Variants in NPC1 observed in about 807,000 individuals in gnomAD.
NPC1 encodes Niemann-Pick C1 protein.
Under a neutral mutation model 140.4 loss-of-function variants are expected in NPC1, and 85 were observed. The observed-to-expected ratio is 0.61, with a 90% confidence interval of 0.51 to 0.72. The LOEUF (loss-of-function observed/expected upper bound fraction) is 0.72. Ranked by LOEUF, NPC1 falls within the 30% of genes least tolerant of loss-of-function variation. NPC1 has a pLI of 0.00. For synonymous variants in NPC1, 656 were observed against 624.8 expected (o/e 1.05, Z -0.74); for missense variants, 1,504 against 1,623.8 (o/e 0.93, Z 1.27).
chr18:23,574,117 A>C (rs2059241904), intron 1 of NPC1, among the ~76,000 whole-genome samples: 1 of 152,264 alleles, frequency 6.6e-6, no homozygotes, highest in Admixed American at 6.5e-5. Flanking sequence ...TGCTAACTTT[A>C]AGGAAAAACA....
chr18:23,524,145 C>T (rs2058225847), intron 1 of NPC1: 1 of 1,614,088 alleles, frequency 6.2e-7, no homozygotes, highest in Non-Finnish European at 8.5e-7. Context: ...GCTGCCGTGA[C>T]CAGCCAGTCT....
chr18:23,522,668 C>T (rs1385222479), exon 2 of NPC1: 1 of 152,142 alleles, frequency 6.6e-6, no homozygotes, highest in East Asian at 1.9e-4. Context: ...ACCATCTGGT[C>T]ATAAGGGAAC....
intron 24 of NPC1, among the ~76,000 whole-genome samples, chr18:23,532,502 C>T (rs1204411108): frequency 2.0e-5 from 3 of 152,108 alleles, no homozygotes; most frequent in African/African-American, 4.8e-5. Context: ...GGTATGAACA[C>T]GACTCACTGC....
rs535506370 is a variant in NPC1, at chr18:23,586,268, G to T, written c.57+19C>A. 1 of 1,531,752 alleles carries T rather than the reference G, an allele frequency of 6.5e-7. No homozygotes were observed. The highest frequency in any genetic ancestry group is 1.2e-5 in the South Asian group (1 of 83,772). 94.9% of individuals were successfully genotyped at this position (1,531,752 alleles called of 1,614,324 possible). A position where few individuals can be genotyped will look rare whatever the true frequency, so the allele number is the denominator to read the frequency against. On this transcript the variant is annotated intron_variant, in intron 1 of 24. Transcript: ENST00000269228. ...CGCCACGTCCCCACAGGGCGTCCCG[G>T]TGGCCGGCGACCGCTCACCTGCGCT...
intron 3 of NPC1, among the ~76,000 whole-genome samples, chr18:23,510,019 TA>T (rs531660350): frequency 0.032 from 4,218 of 132,188 alleles, 169 homozygotes; most frequent in African/African-American, 0.11. Flanking sequence ...AGTAATAAAT[TA>T]AAAAAAAAAA....
At chr18:23,529,219 A>T (rs943296387), downstream of NPC1, 5 of 1,613,982 alleles carry the variant, frequency 3.1e-6, no homozygotes, top group Non-Finnish European at 4.2e-6. Flanking sequence ...CCGCTCCTCA[A>T]GAGGCCGGTG....
chr18:23,586,179 C>T, intron 1 of NPC1, 108 bp downstream of exon 1: 3 of 1,242,388 alleles, frequency 2.4e-6, no homozygotes, highest in African/African-American at 1.5e-5. Flanking sequence ...ATCGCCAGAC[C>T]AACTTCCCCA....
chr18:23,524,595 C>A, downstream of NPC1: 2 of 1,071,798 alleles, frequency 1.9e-6, no homozygotes, highest in Non-Finnish European at 2.8e-6. Context: ...CCCCTCCTTT[C>A]AAGCGTGGGA....
rs143205855 is a variant in NPC1 at position 23,568,841 on chromosome 18, C to T, written c.445G>A (p.Gly149Arg). Reference protein sequence around the residue: ...TNVKELQYYVGQSFANAMYNA... With the variant: ...TNVKELQYYVRQSFANAMYNA... ...TACTTACCATTGGCAAAACTCTGTC[C>T]GACGTAGTATTGTAACTCTTTCACA... Residue 149 changes from glycine to arginine, a missense_variant, in exon 4 of 25, where the codon GGA becomes AGA. By Grantham distance (125) the Gly-to-Arg change is moderately radical (BLOSUM62 -2). Coordinates refer to ENST00000269228, the MANE Select transcript of NPC1 (RefSeq NM_000271.5). 562 of 1,613,896 alleles carry T rather than the reference C, an allele frequency of 3.5e-4. 8 individuals are homozygous for T. The South Asian group carries it at 5.1e-3, about 15-fold the overall frequency.
Position 23,586,435 on chromosome 18 carries a change from C to G in NPC1, c.-92G>C, listed in dbSNP as rs777793241. 6.6e-7 allele frequency: 1 copy of G among 1,514,796 alleles called. No individual in the cohort carries two copies. Among genetic ancestry groups the G allele is most frequent in the Non-Finnish European group, 8.8e-7 (1 of 1,137,606 alleles). The allele number at this position is 1,514,796 out of a possible 1,614,324, so 93.8% of individuals were successfully genotyped here. On this transcript the variant is annotated 5_prime_UTR_variant, in exon 1 of 25. Coordinates refer to ENST00000269228, the MANE Select transcript of NPC1 (RefSeq NM_000271.5). Reference sequence around the variant, plus strand: ...TACTTCCCCGGGCTGTTTCAGCACCCCGCGCAGGAGGAGCGGAGGAGCAGG... The same window carrying G: ...TACTTCCCCGGGCTGTTTCAGCACCGCGCGCAGGAGGAGCGGAGGAGCAGG...
Position 23,560,269 on chromosome 18 carries a change from A to C in NPC1, c.843T>G (p.Leu281=). 1.9e-6 allele frequency: 3 copies of C among 1,614,184 alleles called. No homozygotes were observed. Among genetic ancestry groups the C allele is most frequent in the Non-Finnish European group, 2.5e-6 (3 of 1,180,028 alleles). Reference sequence around the variant, plus strand: ...CTGCAAAAAATGCTCCAAAAAACACAAGCAAAAACGCCATGTAGGTGATCC... The same window carrying C: ...CTGCAAAAAATGCTCCAAAAAACACCAGCAAAAACGCCATGTAGGTGATCC... ...IMWITYMAFL[L]VFFGAFFAVW... The change falls in exon 6 of 25, where the codon CTT becomes CTG. Residue 281 remains leucine (L), a synonymous_variant. Coordinates refer to ENST00000269228, the MANE Select transcript of NPC1 (RefSeq NM_000271.5).
intron 2 of NPC1, among the ~76,000 whole-genome samples, chr18:23,572,825 G>A (rs1361087814): frequency 1.3e-5 from 2 of 152,216 alleles, no homozygotes; most frequent in Non-Finnish European, 2.9e-5. Context: ...GGATAAAAGA[G>A]CAAGGCTCCT....
At chr18:23,562,422 G>A (rs538621442) in intron 4 of NPC1, among the ~76,000 whole-genome samples, 8 of 152,122 alleles carry the variant, frequency 5.3e-5, no homozygotes, top group African/African-American at 1.9e-4. Flanking sequence ...TAGCTGGAAT[G>A]GGTCCTGTAC....
At chr18:23,581,506 T>A (rs2059355053) in intron 1 of NPC1, among the ~76,000 whole-genome samples, 1 of 152,182 alleles carries the variant, frequency 6.6e-6, no homozygotes, top group Non-Finnish European at 1.5e-5. Flanking sequence ...GATGTCTGCA[T>A]CTATAAAATA....
chr18:23,531,390 C>T, downstream of NPC1: 1 of 716,668 alleles, frequency 1.4e-6, no homozygotes, highest in South Asian at 2.6e-5. Context: ...AGGTCTATTT[C>T]TAGCTCAATG....
chr18:23,514,298 TGAG>T (rs2057941069), intron 3 of NPC1, among the ~76,000 whole-genome samples: 1 of 152,242 alleles, frequency 6.6e-6, no homozygotes, highest in African/African-American at 2.4e-5. Context: ...GGCGATCATC[TGAG>T]GTCAGGAGTT....
downstream of NPC1, among the ~76,000 whole-genome samples, chr18:23,527,518 G>T (rs2058338861): frequency 6.7e-6 from 1 of 149,980 alleles, no homozygotes; most frequent in Admixed American, 6.6e-5. Context: ...AGCGTTAAGT[G>T]ATCCTTCTGC....
In NPC1 at chr18:23,536,818, C is replaced by T. The variant is rs2058637844; in HGVS notation, c.3100G>A (p.Gly1034Arg). 5.0e-6 allele frequency: 8 copies of T among 1,614,144 alleles called. No homozygotes were observed. Among genetic ancestry groups the T allele is most frequent in the East Asian group, 2.2e-5 (1 of 44,886 alleles). The part of the protein sequence containing the change: ...NILLGHGTRV[G>R]ATYFMTYHTV... Reference sequence around the variant, plus strand: ...TGGTAGGTCATGAAGTACGTGGCTCCGACCCTGGTGCCATGGCCAAGGAGG... The same window carrying T: ...TGGTAGGTCATGAAGTACGTGGCTCTGACCCTGGTGCCATGGCCAAGGAGG... The change falls in exon 21 of 25, where the codon GGA becomes AGA. Residue 1034 changes from glycine (G) to arginine (R), a missense_variant. Gly to Arg is a moderately radical substitution (Grantham distance 125). Coordinates refer to ENST00000269228, the MANE Select transcript of NPC1 (RefSeq NM_000271.5).
At chr18:23,523,555 AAAAAAAAAAAAAAAG>A (rs2058203469) in intron 1 of NPC1, among the ~76,000 whole-genome samples, 1 of 112,858 alleles carries the variant, frequency 8.9e-6, no homozygotes, top group Non-Finnish European at 2.1e-5. Flanking sequence ...AAAAAAAAAA[AAAAAAAAAAAAAAAG>A]AAAAAAAGTT....
Sources: allele counts gnomAD v4.1 joint callset (sites outside exome capture counted in the v4.1 genomes callset), GRCh38; gene constraint gnomAD v4.1.1; transcripts MANE v1.5; gene names NCBI Gene and HGNC (gene_info 2026-07-23, HGNC 2026-07-21).